Variants in LIN28B observed in about 807,000 individuals in gnomAD.
LIN28B encodes the protein protein lin-28 homolog B.
In LIN28B, 5 loss-of-function variants were observed where a neutral mutation model predicts 21.9. That is an observed-to-expected ratio of 0.23 (90% CI 0.12 to 0.48). LIN28B has a LOEUF of 0.48. LIN28B is among the 20% of genes least tolerant of loss of function. LIN28B has a pLI of 0.98. For missense variants in LIN28B, 245 were observed against 310.5 expected, an observed-to-expected ratio of 0.79 and a Z score of 1.58; for synonymous variants, 109 against 111.3, an observed-to-expected ratio of 0.98 and a Z score of 0.13.
intron 2 of LIN28B, among the ~76,000 whole-genome samples, chr6:104,996,267 A>G (rs1037403368): frequency 1.3e-5 from 2 of 152,222 alleles, no homozygotes; most frequent in Non-Finnish European, 2.9e-5. Context: ...AGCAGGGCTA[A>G]AACTAGAAAT....
At chr6:105,038,759 A>G (rs1771575035) in intron 3 of LIN28B, among the ~76,000 whole-genome samples, 1 of 152,244 alleles carries the variant, frequency 6.6e-6, no homozygotes, top group African/African-American at 2.4e-5. Flanking sequence ...AGCACTACAA[A>G]TCAAAAAGAA....
chr6:105,078,418 T>C lies in LIN28B; in HGVS notation c.388T>C (p.Tyr130His). 6.3e-7 allele frequency: 1 copy of C among 1,599,072 alleles called. No homozygotes were observed. Among genetic ancestry groups the C allele is most frequent in the Non-Finnish European group, 8.6e-7 (1 of 1,167,764 alleles). The change falls in exon 4 of 4, where the codon TAC becomes CAC. Residue 130 changes from tyrosine to histidine, a missense_variant. Coordinates refer to ENST00000345080, the MANE Select transcript of LIN28B (RefSeq NM_001004317.4). ...QKRKPKGDRC[Y>H]NCGGLDHHAK... The stretch of plus-strand genomic sequence containing the variant: ...TTTCATCTTTTTTCCTTGTAGATGC[T>C]ACAACTGTGGTGGCCTTGATCATCA...
chr6:105,006,882 T>C (rs1045629670), intron 2 of LIN28B, among the ~76,000 whole-genome samples: 1 of 152,212 alleles, frequency 6.6e-6, no homozygotes, highest in African/African-American at 2.4e-5. Flanking sequence ...TTAGCCAAAG[T>C]AAATTATATG....
chr6:104,947,055 G>T (rs1259307464), intron 2 of LIN28B, among the ~76,000 whole-genome samples: 1 of 152,118 alleles, frequency 6.6e-6, no homozygotes, highest in Non-Finnish European at 1.5e-5. Context: ...AAAATTCTGA[G>T]TAATATGTAA....
chr6:105,050,680 C>T (rs1193148556), intron 3 of LIN28B, among the ~76,000 whole-genome samples: 2 of 139,914 alleles, frequency 1.4e-5, no homozygotes, highest in Non-Finnish European at 3.0e-5. Context: ...TGTAGAGTTT[C>T]TGCCGAGAGA....
chr6:104,959,182 A>T (rs1450551353), intron 2 of LIN28B, among the ~76,000 whole-genome samples: 2 of 152,158 alleles, frequency 1.3e-5, no homozygotes, highest in African/African-American at 4.8e-5. Context: ...TAAAAAAGAT[A>T]CTTTTATGGA....
intron 2 of LIN28B, among the ~76,000 whole-genome samples, chr6:104,970,084 G>A: frequency 6.6e-6 from 1 of 152,274 alleles, no homozygotes; most frequent in African/African-American, 2.4e-5. Context: ...AGGAATCACA[G>A]TTAGGTGATT....
intron 2 of LIN28B, among the ~76,000 whole-genome samples, chr6:104,975,008 T>C (rs926487747): frequency 5.3e-5 from 8 of 151,978 alleles, no homozygotes; most frequent in African/African-American, 1.9e-4. Flanking sequence ...TTAGTAGACA[T>C]GGGGTTTCAC....
intron 2 of LIN28B, among the ~76,000 whole-genome samples, chr6:105,004,053 T>A (rs1052926752): frequency 2.6e-5 from 4 of 152,106 alleles, no homozygotes; most frequent in South Asian, 2.1e-4. Flanking sequence ...CTGAAGAACA[T>A]GGAGTCTGAT....
intron 2 of LIN28B, among the ~76,000 whole-genome samples, chr6:104,984,311 G>A (rs1317190620): frequency 2.0e-5 from 3 of 152,172 alleles, no homozygotes; most frequent in Non-Finnish European, 4.4e-5. Flanking sequence ...AGCACACAAT[G>A]TATAAATAAT....
At chr6:105,009,311 T>G (rs314260) in intron 2 of LIN28B, among the ~76,000 whole-genome samples, 72,780 of 151,972 alleles carry the variant, frequency 0.48, 19,374 homozygotes, top group East Asian at 0.69. Flanking sequence ...AAAAATATAT[T>G]TAAAAATATA....
chr6:105,060,634 G>T (rs1231341132), intron 3 of LIN28B, among the ~76,000 whole-genome samples: 1 of 152,088 alleles, frequency 6.6e-6, no homozygotes, highest in African/African-American at 2.4e-5. Flanking sequence ...TGACTTCATG[G>T]GTTTAGGAGA....
At chr6:104,998,472 T>C (rs1017938697) in intron 2 of LIN28B, among the ~76,000 whole-genome samples, 1 of 152,162 alleles carries the variant, frequency 6.6e-6, no homozygotes, top group African/African-American at 2.4e-5. Context: ...CAATAATAAT[T>C]TGTGATTTTA....
intron 2 of LIN28B, among the ~76,000 whole-genome samples, chr6:105,023,346 AAT>A (rs1335320076): frequency 2.3e-4 from 5 of 22,200 alleles, no homozygotes; most frequent in Non-Finnish European, 2.8e-4. Context: ...TATTATATAT[AAT>A]ATATATAATT....
intron 2 of LIN28B, 24 bp downstream of exon 2, chr6:104,958,310 CT>C (rs758987165): frequency 2.6e-6 from 4 of 1,533,774 alleles, no homozygotes; most frequent in Admixed American, 3.5e-5. Flanking sequence ...TTTTGTCCCC[CT>C]CTTCATCTTT....
intron 2 of LIN28B, among the ~76,000 whole-genome samples, chr6:104,937,396 G>C (rs57853281): frequency 6.6e-6 from 1 of 152,008 alleles, no homozygotes; most frequent in African/African-American, 2.4e-5. Flanking sequence ...TGTCTGCTGA[G>C]TACCAGCAGC....
intron 2 of LIN28B, among the ~76,000 whole-genome samples, chr6:104,964,578 A>G (rs981788816): frequency 1.1e-4 from 17 of 151,312 alleles, no homozygotes; most frequent in African/African-American, 3.4e-4. Flanking sequence ...TGTACCATAT[A>G]CAATGCATAA....
At chr6:105,049,665 G>T (rs966033641) in intron 3 of LIN28B, among the ~76,000 whole-genome samples, 2 of 152,004 alleles carry the variant, frequency 1.3e-5, no homozygotes, top group Admixed American at 1.3e-4. Context: ...CTAAGGACTT[G>T]CTTTATGAAT....
intron 2 of LIN28B, among the ~76,000 whole-genome samples, chr6:104,989,550 T>C (rs1203935139): frequency 6.7e-6 from 1 of 148,746 alleles, no homozygotes; most frequent in Non-Finnish European, 1.5e-5. Context: ...CTTAGCTGTC[T>C]GAAACTTTAT....
Sources: allele counts gnomAD v4.1 joint callset (sites outside exome capture counted in the v4.1 genomes callset), GRCh38; gene constraint gnomAD v4.1.1; transcripts MANE v1.5; gene names NCBI Gene and HGNC (gene_info 2026-07-23, HGNC 2026-07-21).